FGFR1: variants seen among roughly 807,000 people sequenced by gnomAD.
The protein encoded by FGFR1 is FGFR1/PLAG1 fusion.
In FGFR1, 18 loss-of-function variants were observed where a neutral mutation model predicts 93.7. That is an observed-to-expected ratio of 0.19 (90% CI 0.13 to 0.28). The LOEUF is 0.28. Ranked by LOEUF, FGFR1 falls within the 10% of genes least tolerant of loss-of-function variation. The pLI, the probability that FGFR1 is intolerant of heterozygous loss-of-function variation, is 1.00. For missense variants in FGFR1, 731 were observed against 1,080.4 expected (o/e 0.68, Z 4.53); for synonymous variants, 448 against 429.3 (o/e 1.04, Z -0.54).
At chr8:38,418,968 T>G (rs1023088473) in intron 9 of FGFR1, among the ~76,000 whole-genome samples, 1 of 152,182 alleles carries the variant, frequency 6.6e-6, no homozygotes, top group Admixed American at 6.5e-5. Flanking sequence ...GTTCTTGTGA[T>G]AGTGAATAAA....
intron 13 of FGFR1, among the ~76,000 whole-genome samples, chr8:38,415,195 T>C (rs1815974197): frequency 6.6e-6 from 1 of 152,246 alleles, no homozygotes; most frequent in South Asian, 2.1e-4. Flanking sequence ...CACATGGGGC[T>C]GGGCTCAAAC....
chr8:38,444,186 A>G, intron 2 of FGFR1, among the ~76,000 whole-genome samples: 1 of 151,856 alleles, frequency 6.6e-6, no homozygotes, highest in East Asian at 1.9e-4. Context: ...GGGAAATTTT[A>G]CTGGCCTATG....
rs189808471 is a variant in FGFR1 at position 38,457,756 on chromosome 8, C to T, written c.-88-222G>A. 1.2e-4 allele frequency among the ~76,000 whole-genome samples: 18 copies of T among 152,010 alleles called. No individual in the cohort carries two copies. In the East Asian group the frequency reaches 2.3e-3, roughly 20 times the overall value. On this transcript the variant is annotated intron_variant, in intron 1 of 17. Coordinates refer to ENST00000447712, the MANE Select transcript of FGFR1 (RefSeq NM_023110.3). ...ATCCCAGCACTTTGGGAGGCTGAGG[C>T]GGGAGGATCACTTGAGGCCAGGAGT...
At chr8:38,415,746 G>T in intron 13 of FGFR1, 124 bp downstream of exon 13, 1 of 948,870 alleles carries the variant, frequency 1.1e-6, no homozygotes, top group Non-Finnish European at 1.7e-6. Context: ...AACACACAGG[G>T]CACACAGGGC....
intron 1 of FGFR1, among the ~76,000 whole-genome samples, chr8:38,460,331 C>T (rs573912129): frequency 1.3e-5 from 2 of 152,158 alleles, no homozygotes; most frequent in Non-Finnish European, 2.9e-5. Context: ...TTACTACATC[C>T]CGAAAATACA....
At chr8:38,428,712 A>G in intron 3 of FGFR1, 1 of 479,138 alleles carries the variant, frequency 2.1e-6, no homozygotes, top group African/African-American at 2.0e-5. Flanking sequence ...ATTCCGTCCT[A>G]CATTCAAAGG....
rs1216612059 is a variant in FGFR1, at chr8:38,411,662, GC to G, written c.*1965del. 8.7e-6 allele frequency: 2 copies of G among 230,256 alleles called. No homozygotes were observed. Among genetic ancestry groups the G allele is most frequent in the Non-Finnish European group, 1.7e-5 (2 of 115,966 alleles). 14.3% of individuals were successfully genotyped at this position (230,256 alleles called of 1,614,324 possible). The stretch of plus-strand genomic sequence containing the variant: ...CCAGCAAAATATAAGCTTTAATATA[GC>G]GACTGAGGAGTGGTAGTTTGAGCCA... On this transcript the variant is annotated 3_prime_UTR_variant, in exon 18 of 18. Transcript: ENST00000447712.
chr8:38,464,576 C>G (rs1318560724), intron 1 of FGFR1, among the ~76,000 whole-genome samples: 1 of 152,102 alleles, frequency 6.6e-6, no homozygotes, highest in Non-Finnish European at 1.5e-5. Context: ...AATATCCTAG[C>G]CCAAGTCTGA....
At chr8:38,448,136 A>C (rs1829941335) in intron 2 of FGFR1, among the ~76,000 whole-genome samples, 1 of 152,220 alleles carries the variant, frequency 6.6e-6, no homozygotes, top group South Asian at 2.1e-4. Context: ...ACATAAATGC[A>C]AGAAAAAAGT....
chr8:38,417,750 A>G, intron 11 of FGFR1, 120 bp downstream of exon 11: 1 of 1,404,272 alleles, frequency 7.1e-7, no homozygotes, highest in Non-Finnish European at 1.0e-6. Flanking sequence ...AACCCCAAGC[A>G]GGCAGCGGAG....
intron 8 of FGFR1, 149 bp from the exon 9 acceptor site, chr8:38,419,884 T>A (rs1294070695): frequency 1.5e-6 from 1 of 664,434 alleles, no homozygotes; most frequent in African/African-American, 1.8e-5. Context: ...ACTGGGATTG[T>A]GGCACTAGGA....
intron 2 of FGFR1, 104 bp downstream of exon 2, chr8:38,457,252 A>T: frequency 7.8e-7 from 1 of 1,274,702 alleles, no homozygotes; most frequent in Non-Finnish European, 1.1e-6. Flanking sequence ...CTTGGGAAGG[A>T]GCCTTCCCTG....
chr8:38,456,494 A>G (rs1289305774), intron 2 of FGFR1, among the ~76,000 whole-genome samples: 1 of 152,154 alleles, frequency 6.6e-6, no homozygotes, highest in Non-Finnish European at 1.5e-5. Flanking sequence ...TATCCAAAGC[A>G]AATCGCTTGG....
chr8:38,437,735 G>T (rs17182190), intron 2 of FGFR1, among the ~76,000 whole-genome samples: 1,926 of 152,290 alleles, frequency 0.013, 20 homozygotes, highest in Non-Finnish European at 0.02. Flanking sequence ...CAATTTGTAA[G>T]TTGAGGGATA....
intron 1 of FGFR1, chr8:38,460,981 C>G (rs1275742924): frequency 1.5e-6 from 2 of 1,379,070 alleles, no homozygotes; most frequent in African/African-American, 1.4e-5. Context: ...CGCCCCGTCT[C>G]TCCAATATCA....
intron 2 of FGFR1, among the ~76,000 whole-genome samples, chr8:38,446,120 C>G (rs1411186232): frequency 3.3e-5 from 5 of 151,618 alleles, no homozygotes; most frequent in African/African-American, 1.2e-4. Context: ...TCCTTCCTTC[C>G]TAGGGAAGCT....
intron 1 of FGFR1, chr8:38,465,962 A>T (rs1206657649): frequency 4.4e-6 from 1 of 228,620 alleles, no homozygotes; most frequent in Non-Finnish European, 8.7e-6. Context: ...AAAGAAGGAA[A>T]CCAGAGAAGT....
chr8:38,448,440 T>C (rs1586652599), intron 2 of FGFR1, among the ~76,000 whole-genome samples: 1 of 152,144 alleles, frequency 6.6e-6, no homozygotes, highest in East Asian at 1.9e-4. Context: ...CCACCACACC[T>C]GGCCAATTTT....
chr8:38,421,823 T>C lies in FGFR1; in HGVS notation c.1055A>G (p.His352Arg). The change falls in exon 8 of 18, where the codon CAC becomes CGC. Residue 352 changes from histidine (H) to arginine (R), a missense_variant. This residue lies in a region of FGFR1 where 146 missense variants were observed against 173.0 expected (regional missense o/e 0.84). Coordinates refer to ENST00000447712, the MANE Select transcript of FGFR1 (RefSeq NM_023110.3). ...TTCCAGAACGGTCAACCATGCAGAG[T>C]GATGGGAGAGTCCGATAGAGTTACC... ...LAGNSIGLSH[H>R]SAWLTVLEAL... The C allele has an allele frequency of 6.2e-7, 1 of 1,613,492 alleles. No individual in the cohort carries two copies. The highest frequency in any genetic ancestry group is 8.5e-7 in the Non-Finnish European group (1 of 1,179,874).
Sources: allele counts gnomAD v4.1 joint callset (sites outside exome capture counted in the v4.1 genomes callset), GRCh38; gene constraint gnomAD v4.1.1; regional missense constraint gnomAD v4.1.1; transcripts MANE v1.5; gene names NCBI Gene and HGNC (gene_info 2026-07-23, HGNC 2026-07-21).